The following MRPL12 variants were observed in gnomAD, a reference collection of about 807,000 sequenced individuals.
The protein encoded by MRPL12 is large ribosomal subunit protein bL12m.
Under a neutral mutation model 21.1 loss-of-function variants are expected in MRPL12, and 13 were observed. That is an observed-to-expected ratio of 0.62 (90% confidence interval 0.40 to 0.98). The LOEUF (loss-of-function observed/expected upper bound fraction) is 0.98, where lower values mean the gene tolerates loss of function less well. Ranked by LOEUF, MRPL12 falls within the 50% of genes least tolerant of loss-of-function variation. The pLI, the probability that MRPL12 is intolerant of heterozygous loss-of-function variation, is 0.00. For missense variants in MRPL12, 251 were observed against 268.6 expected (o/e 0.93, Z 0.46); for synonymous variants, 126 against 115.3 (o/e 1.09, Z -0.60).
chr17:81,707,065 A>G, intron 4 of MRPL12, 25 bp downstream of exon 4: 1 of 1,613,936 alleles, frequency 6.2e-7, no homozygotes, highest in South Asian at 1.1e-5. Context: ...GGGGGTTCCG[A>G]GGCAGGTTCC....
intron 2 of MRPL12, 42 bp downstream of exon 2, chr17:81,704,472 C>A (rs770441433): frequency 1.3e-6 from 2 of 1,592,000 alleles, no homozygotes; most frequent in South Asian, 1.1e-5. Flanking sequence ...CTGGAAGTTT[C>A]AGGGCCCCTG....
chr17:81,706,508 G>A (rs2037315570), intron 3 of MRPL12, among the ~76,000 whole-genome samples: 1 of 152,128 alleles, frequency 6.6e-6, no homozygotes, highest in South Asian at 2.1e-4. Context: ...TGAGCCACCG[G>A]AGCCACCACT....
intron 3 of MRPL12, among the ~76,000 whole-genome samples, chr17:81,706,070 G>A (rs1018114241): frequency 6.6e-6 from 1 of 152,236 alleles, no homozygotes; most frequent in Non-Finnish European, 1.5e-5. Context: ...CACGTCAGAA[G>A]CGCAGCGTGC....
chr17:81,706,660 C>T (rs987649776), intron 3 of MRPL12, among the ~76,000 whole-genome samples: 17 of 151,996 alleles, frequency 1.1e-4, no homozygotes, highest in African/African-American at 2.9e-4. Flanking sequence ...GAGCTGAGGT[C>T]GCACCACTGC....
intron 3 of MRPL12, among the ~76,000 whole-genome samples, chr17:81,705,882 A>G (rs1039521748): frequency 9.2e-5 from 14 of 152,320 alleles, no homozygotes; most frequent in East Asian, 5.8e-4. Flanking sequence ...ACTGGAAGGT[A>G]GTTTAAAGGC....
intron 1 of MRPL12, among the ~76,000 whole-genome samples, 165 bp downstream of exon 1, chr17:81,703,740 G>T (rs1157180614): frequency 6.6e-6 from 1 of 152,210 alleles, no homozygotes; most frequent in African/African-American, 2.4e-5. Context: ...CTCCCGGTGC[G>T]CACGCCCCTT....
At chr17:81,704,571 CTCCTCAG>C in intron 2 of MRPL12, 55 bp from the exon 3 acceptor site, 1 of 1,595,628 alleles carries the variant, frequency 6.3e-7, no homozygotes. Flanking sequence ...CTAGTTGCCC[CTCCTCAG>C]TAGGTTCCGG....
At chr17:81,704,533 T>C (rs1002032097) in intron 2 of MRPL12, 100 bp from the exon 3 acceptor site, 2 of 1,576,146 alleles carry the variant, frequency 1.3e-6, no homozygotes, top group Non-Finnish European at 1.7e-6. Flanking sequence ...CAAAAGTGTG[T>C]TTGTCCAGGT....
In MRPL12 at chr17:81,706,931, C is replaced by T. The variant is rs368964351; in HGVS notation, c.371C>T (p.Ala124Val). Residue 124 changes from alanine to valine, a missense_variant, in exon 4 of 5, where the codon GCG becomes GTG. Transcript: ENST00000333676. Reference sequence around the variant, plus strand: ...GCGGTGGAAGAAGATATCCCCATAGCGAAAGAACGGACACATTTCACCGTC... The same window carrying T: ...GCGGTGGAAGAAGATATCCCCATAGTGAAAGAACGGACACATTTCACCGTC... The part of the protein sequence containing the change: ...QEAVEEDIPI[A>V]KERTHFTVRL... The T allele has an allele frequency of 1.1e-5, 18 of 1,613,842 alleles. No homozygotes were observed. The highest frequency in any genetic ancestry group is 3.3e-5 in the Admixed American group (2 of 59,990).
chr17:81,704,544 G>A (rs1314515465), intron 2 of MRPL12, 89 bp from the exon 3 acceptor site: 2 of 1,575,608 alleles, frequency 1.3e-6, no homozygotes, highest in East Asian at 4.5e-5. Flanking sequence ...TTGTCCAGGT[G>A]CAAGGTCCAT....
chr17:81,706,466 C>T (rs1164191098), intron 3 of MRPL12, among the ~76,000 whole-genome samples: 1 of 152,190 alleles, frequency 6.6e-6, no homozygotes, highest in Non-Finnish European at 1.5e-5. Flanking sequence ...ATCCACCCGC[C>T]TTGGCCTCCC....
chr17:81,703,635 G>A (rs2037279216), intron 1 of MRPL12, 60 bp downstream of exon 1: 2 of 1,288,952 alleles, frequency 1.6e-6, no homozygotes, highest in Non-Finnish European at 2.0e-6. Context: ...GCCGGGCACT[G>A]AGGGGTCGAT....
intron 3 of MRPL12, among the ~76,000 whole-genome samples, 200 bp downstream of exon 3, chr17:81,704,916 G>A (rs1371105284): frequency 6.6e-6 from 1 of 152,230 alleles, no homozygotes; most frequent in Non-Finnish European, 1.5e-5. Context: ...TGTTTCTAAT[G>A]GAGGGAAACA....
In MRPL12 at chr17:81,703,518, C is replaced by G; in HGVS notation, c.17C>G (p.Ala6Gly). Residue 6 changes from alanine (A) to glycine (G), a missense_variant, in exon 1 of 5, where the codon GCT becomes GGT. Transcript: ENST00000333676. MLPAA[A>G]RPLWGPCLGL... is the part of the protein sequence containing the mutation. ...CGCGGACCGATGCTGCCGGCGGCCGCTCGCCCCCTGTGGGGGCCTTGCCTT... is the reference window on the plus strand; with the variant it reads ...CGCGGACCGATGCTGCCGGCGGCCGGTCGCCCCCTGTGGGGGCCTTGCCTT... 6.7e-7 allele frequency: 1 copy of G among 1,484,146 alleles called. No individual in the cohort carries two copies. Among genetic ancestry groups the G allele is most frequent in the Non-Finnish European group, 8.9e-7 (1 of 1,123,306 alleles). The allele number at this position is 1,484,146 out of a possible 1,614,324, so 91.9% of individuals were successfully genotyped here. A position where few individuals can be genotyped will look rare whatever the true frequency, so the allele number is the denominator to read the frequency against.
At chr17:81,706,203 G>A (rs746546873) in intron 3 of MRPL12, among the ~76,000 whole-genome samples, 20 of 152,218 alleles carry the variant, frequency 1.3e-4, no homozygotes, top group Non-Finnish European at 2.6e-4. Context: ...TGTCTCATAA[G>A]TTACGCTTTC....
chr17:81,705,080 CAA>C (rs34148020), intron 3 of MRPL12, among the ~76,000 whole-genome samples: 6 of 135,758 alleles, frequency 4.4e-5, no homozygotes, highest in Admixed American at 7.3e-5. Context: ...ACTAAAAATA[CAA>C]AAAAAAAAAA....
rs952404394 is a variant in MRPL12, at chr17:81,707,420, C to T, written c.*180C>T. 2.9e-4 allele frequency: 178 copies of T among 622,022 alleles called. No homozygotes were observed. In the East Asian group the frequency reaches 4.3e-3, roughly 15 times the overall value. The allele number at this position is 622,022 out of a possible 1,614,324, so 38.5% of individuals were successfully genotyped here. On this transcript the variant is annotated 3_prime_UTR_variant, in exon 5 of 5. Transcript: ENST00000333676. ...GACCTACTGTGGCGGGAGGGAGGGG[C>T]GGCTGCTGCCTGGTGACGGCACCCG...
chr17:81,703,944 G>T (rs991979162), intron 1 of MRPL12, among the ~76,000 whole-genome samples: 24 of 152,244 alleles, frequency 1.6e-4, no homozygotes, highest in African/African-American at 5.5e-4. Flanking sequence ...CCACCGCTGG[G>T]TTGATGTAGT....
chr17:81,704,300 G>A lies in MRPL12; in HGVS notation c.131G>A (p.Arg44Lys), dbSNP rs1598754438. The change falls in exon 2 of 5, where the codon AGG becomes AAG. Residue 44 changes from arginine to lysine, a missense_variant. Transcript: ENST00000333676. The stretch of plus-strand genomic sequence containing the variant: ...CATATGAGGAGCAGCGGCCATCAGA[G>A]GTGTGAGGCCCTCGCTGGTGCACCC... ...VRHMRSSGHQ[R>K]CEALAGAPLD... 1 of 1,613,394 alleles carries A rather than the reference G, an allele frequency of 6.2e-7. No homozygotes were observed. The highest frequency in any genetic ancestry group is 1.1e-5 in the South Asian group (1 of 91,064).
Sources: allele counts gnomAD v4.1 joint callset (sites outside exome capture counted in the v4.1 genomes callset), GRCh38; gene constraint gnomAD v4.1.1; transcripts MANE v1.5; gene names NCBI Gene and HGNC (gene_info 2026-07-23, HGNC 2026-07-21).